The following CCT6B variants were observed in gnomAD, a reference collection of about 807,000 sequenced individuals.
The protein encoded by CCT6B is probable T-complex protein 1 subunit zeta-2.
A neutral mutation model predicts 61.5 loss-of-function variants in CCT6B; 49 were observed. The observed-to-expected ratio is 0.80, with a 90% confidence interval of 0.63 to 1.01. The LOEUF (loss-of-function observed/expected upper bound fraction) is 1.01, where lower values mean the gene tolerates loss of function less well. Ranked by LOEUF, CCT6B falls within the 50% of genes least tolerant of loss-of-function variation. The pLI is 0.00. For synonymous variants in CCT6B, 228 were observed against 214.5 expected, an observed-to-expected ratio of 1.06 and a Z score of -0.55; for missense variants, 666 against 634.7, an observed-to-expected ratio of 1.05 and a Z score of -0.53.
intron 1 of CCT6B, among the ~76,000 whole-genome samples, chr17:34,960,615 A>G (rs2142190454): frequency 6.6e-6 from 1 of 152,288 alleles, no homozygotes; most frequent in Middle Eastern, 3.4e-3. Flanking sequence ...CGTTATCTTG[A>G]TCATTTCTGT....
intron 13 of CCT6B, 23 bp downstream of exon 13, chr17:34,928,939 A>C: frequency 7.5e-7 from 1 of 1,338,240 alleles, no homozygotes. Flanking sequence ...CAGGTCTTTC[A>C]CTTTATGTTC....
chr17:34,950,875 G>A (rs1408696551), intron 5 of CCT6B, among the ~76,000 whole-genome samples: 1 of 151,000 alleles, frequency 6.6e-6, no homozygotes, highest in Non-Finnish European at 1.5e-5. Context: ...GTTGCAGTGA[G>A]CCAAGATCAC....
At chr17:34,944,105 G>A (rs1264840094) in intron 5 of CCT6B, 2 of 152,068 alleles carry the variant, frequency 1.3e-5, no homozygotes, top group African/African-American at 4.8e-5. Flanking sequence ...CCTCTTAACA[G>A]AATGTAAACA....
chr17:34,934,446 C>T (rs2090072634), intron 10 of CCT6B, among the ~76,000 whole-genome samples: 1 of 152,122 alleles, frequency 6.6e-6, no homozygotes, highest in Non-Finnish European at 1.5e-5. Context: ...ACAAAAATAG[C>T]CACAGACAAT....
intron 4 of CCT6B, among the ~76,000 whole-genome samples, chr17:34,954,065 G>A (rs2090321734): frequency 6.6e-6 from 1 of 151,886 alleles, no homozygotes; most frequent in African/African-American, 2.4e-5. Flanking sequence ...TTATCTACAA[G>A]GTACACTGCT....
chr17:34,959,123 C>CGT (rs1555551254), intron 2 of CCT6B, among the ~76,000 whole-genome samples: 24 of 102,542 alleles, frequency 2.3e-4, no homozygotes, highest in Middle Eastern at 9.3e-3. Flanking sequence ...AAAAAAAAAA[C>CGT]TTTTTTTTTT....
rs1248490704 is a variant in CCT6B, at chr17:34,958,559, C to A, written c.336+1G>T. On this transcript the variant is annotated splice_donor_variant, in intron 3 of 13. Coordinates refer to ENST00000314144, the MANE Select transcript of CCT6B (RefSeq NM_006584.4). LOFTEE classifies it high-confidence loss of function. ...ACATATAAACTGTGAAATTCTAATACCTCAGAAATGTACAGGTCAGCTTGT... is the reference window on the plus strand; with the variant it reads ...ACATATAAACTGTGAAATTCTAATAACTCAGAAATGTACAGGTCAGCTTGT... 3.3e-6 allele frequency: 5 copies of A among 1,510,224 alleles called. No homozygotes were observed. The highest frequency in any genetic ancestry group is 1.4e-5 in the South Asian group (1 of 70,758). The allele number at this position is 1,510,224 out of a possible 1,614,324, so 93.6% of individuals were successfully genotyped here.
At position 34,939,195 on chromosome 17, in the gene CCT6B, C is replaced by T; in HGVS notation, c.1201G>A (p.Ala401Thr). ...AGAAAGAGCTTACCATCTTCAATGG[C>T]ATTTTTGATAGCACGAAGTCCATCT... The part of the protein sequence containing the change: ...IRDGLRAIKN[A>T]IEDGCMVPGA... Residue 401 changes from alanine to threonine, a missense_variant, in exon 10 of 14, where the codon GCC (alanine) becomes ACC (threonine). Ala to Thr is a moderately conservative substitution (Grantham distance 58). Coordinates refer to ENST00000314144, the MANE Select transcript of CCT6B (RefSeq NM_006584.4). The T allele has an allele frequency of 6.2e-7, 1 of 1,613,630 alleles. No individual in the cohort carries two copies. Among genetic ancestry groups the T allele is most frequent in the Non-Finnish European group, 8.5e-7 (1 of 1,179,774 alleles).
chr17:34,958,817 T>C, intron 2 of CCT6B, 123 bp from the exon 3 acceptor site: 2 of 656,358 alleles, frequency 3.0e-6, no homozygotes, highest in Non-Finnish European at 4.5e-6. Flanking sequence ...ATTCTACAAG[T>C]TTACAAGTTT....
At chr17:34,957,433 C>A (rs1009534782) in intron 3 of CCT6B, among the ~76,000 whole-genome samples, 14 of 152,200 alleles carry the variant, frequency 9.2e-5, no homozygotes, top group African/African-American at 3.4e-4. Context: ...TGTGAGCCAC[C>A]GCACCTGGCC....
At chr17:34,943,600 A>G (rs1316711305) in intron 5 of CCT6B, 1 of 151,518 alleles carries the variant, frequency 6.6e-6, no homozygotes, top group Admixed American at 6.6e-5. Context: ...AACATCACAC[A>G]CCGGGGCCTG....
In CCT6B at chr17:34,953,043, G is replaced by T. The variant is rs140883011; in HGVS notation, c.511-990C>A. Among the ~76,000 whole-genome samples, 326 of 150,260 alleles carry T rather than the reference G, an allele frequency of 2.2e-3. 2 individuals are homozygous for T. Among genetic ancestry groups the T allele is most frequent in the African/African-American group, 7.5e-3 (307 of 41,070 alleles). On this transcript the variant is annotated intron_variant, in intron 4 of 13. Transcript: ENST00000314144. ...TGATCTTAATCTGATTTCCCAAGTT[G>T]TTTTTTTTTAACGGTAAGGAGAATC...
chr17:34,951,574 C>T (rs1470431868), intron 5 of CCT6B, among the ~76,000 whole-genome samples: 1 of 152,202 alleles, frequency 6.6e-6, no homozygotes, highest in Non-Finnish European at 1.5e-5. Flanking sequence ...ACTGTAACAA[C>T]CTAGTCACAC....
chr17:34,949,085 G>A (rs1221833907), intron 5 of CCT6B, among the ~76,000 whole-genome samples: 1 of 100,070 alleles, frequency 1.0e-5, no homozygotes, highest in Non-Finnish European at 2.1e-5. Flanking sequence ...GGGAGGGGAG[G>A]GGAGGGGAGG....
intron 8 of CCT6B, 63 bp from the exon 9 acceptor site, chr17:34,939,776 G>A: frequency 5.9e-6 from 6 of 1,020,530 alleles, no homozygotes; most frequent in South Asian, 1.3e-5. Context: ...ATTTCTCAGA[G>A]AGAAGATATC....
In CCT6B at chr17:34,954,617, A is replaced by G; in HGVS notation, c.337-18T>C. ...TGCAGGCCCTGTTACATCAACATAAAATTATAAATTATAAAATAAGTCACC... is the reference window on the plus strand; with the variant it reads ...TGCAGGCCCTGTTACATCAACATAAGATTATAAATTATAAAATAAGTCACC... On this transcript the variant is annotated intron_variant, in intron 3 of 13. Transcript: ENST00000314144. 6.4e-7 allele frequency: 1 copy of G among 1,561,580 alleles called. No homozygotes were observed. The highest frequency in any genetic ancestry group is 8.6e-7 in the Non-Finnish European group (1 of 1,157,608).
At chr17:34,941,867 C>T (rs2090167730) in intron 7 of CCT6B, among the ~76,000 whole-genome samples, 1 of 152,100 alleles carries the variant, frequency 6.6e-6, no homozygotes, top group Non-Finnish European at 1.5e-5. Flanking sequence ...CAATACCCAG[C>T]CTCTACGAAA....
chr17:34,928,552 T>C (rs7223500), intron 13 of CCT6B, among the ~76,000 whole-genome samples: 87,251 of 152,108 alleles, frequency 0.57, 26,890 homozygotes, highest in East Asian at 0.82. Context: ...GGATTACGGG[T>C]GTGAGCCACC....
At chr17:34,953,342 T>TA (rs1491150963) in intron 4 of CCT6B, among the ~76,000 whole-genome samples, 368 of 125,444 alleles carry the variant, frequency 2.9e-3, no homozygotes, top group Middle Eastern at 9.3e-3. Flanking sequence ...TATATATATA[T>TA]TTTTTTGAGA....
Sources: gnomAD v4.1 joint callset for allele counts (sites outside exome capture counted in the v4.1 genomes callset) on GRCh38, gnomAD v4.1.1 for gene constraint, MANE v1.5 for transcripts, NCBI Gene and HGNC (gene_info 2026-07-23, HGNC 2026-07-21) for gene names.